Variants in ZXDC observed in about 807,000 individuals in gnomAD.
ZXDC encodes the protein zinc finger protein ZXDC.
ZXDC carries 58 observed loss-of-function variants against 63.6 expected under a neutral mutation model. That is an observed-to-expected ratio of 0.91 (90% confidence interval 0.74 to 1.13). ZXDC has a LOEUF of 1.13. Ranked by LOEUF, ZXDC falls within the 50% of genes most tolerant of loss-of-function variation. The pLI is 0.00. For synonymous variants in ZXDC, 561 were observed against 496.1 expected (o/e 1.13, Z -1.74); for missense variants, 1,133 against 1,148.9 (o/e 0.99, Z 0.20).
In ZXDC at chr3:126,439,612, G is replaced by GGGCAGTAA; in HGVS notation, c.2490+12_2490+19dup. The GGGCAGTAA allele has an allele frequency of 1.9e-6, 3 of 1,551,718 alleles. No homozygotes were observed. Among genetic ancestry groups the GGGCAGTAA allele is most frequent in the Non-Finnish European group, 2.6e-6 (3 of 1,147,062 alleles). The stretch of plus-strand genomic sequence containing the variant: ...TGCGAGTCTCAATAAGAAAAACAAA[G>GGGCAGTAA]GGCAGTAAGGCATCCAGACCTGGAG... On this transcript the variant is annotated intron_variant, in intron 9 of 9. Transcript: ENST00000389709.
intron 9 of ZXDC, among the ~76,000 whole-genome samples, chr3:126,439,234 G>A (rs988654732): frequency 2.0e-5 from 3 of 152,192 alleles, no homozygotes; most frequent in Non-Finnish European, 4.4e-5. Flanking sequence ...ATACGCTTTC[G>A]CTATTTCATA....
intron 7 of ZXDC, among the ~76,000 whole-genome samples, chr3:126,458,293 G>A (rs1361922135): frequency 6.8e-6 from 1 of 146,246 alleles, no homozygotes; most frequent in African/African-American, 2.5e-5. Flanking sequence ...CTGGAGCACA[G>A]TGGCACAATC....
At position 126,462,207 on chromosome 3, in the gene ZXDC, C is replaced by A; in HGVS notation, c.1455G>T (p.Gln485His). Reference sequence around the variant, plus strand: ...GAGTAAGAGAACTCGGAGCTTCTAGCTGAGGTAAGAGATCTGAAAAAAAAA... The same window carrying A: ...GAGTAAGAGAACTCGGAGCTTCTAGATGAGGTAAGAGATCTGAAAAAAAAA... ...QHSRRQDLLPQLEAPSSLTPS... is the reference protein window; with the variant it reads ...QHSRRQDLLPHLEAPSSLTPS... Residue 485 changes from glutamine (Q) to histidine (H), a missense_variant, in exon 6 of 10, where the codon CAG (glutamine) becomes CAT (histidine). Coordinates refer to ENST00000389709, the MANE Select transcript of ZXDC (RefSeq NM_025112.5). 1 of 1,595,316 alleles carries A rather than the reference C, an allele frequency of 6.3e-7. No homozygotes were observed. Among genetic ancestry groups the A allele is most frequent in the Non-Finnish European group, 8.5e-7 (1 of 1,173,612 alleles).
intron 7 of ZXDC, chr3:126,454,991 T>C (rs1934250034): frequency 1.0e-6 from 1 of 985,328 alleles, no homozygotes; most frequent in Admixed American, 6.1e-5. Flanking sequence ...AACTGACGTG[T>C]GCACTGGCTC....
At chr3:126,464,710 C>G (rs1019852181) in intron 5 of ZXDC, among the ~76,000 whole-genome samples, 3 of 152,188 alleles carry the variant, frequency 2.0e-5, no homozygotes, top group Non-Finnish European at 4.4e-5. Flanking sequence ...AACGGCCAAA[C>G]AGGGGAGAGG....
At chr3:126,473,979 T>C (rs1418244896) in intron 1 of ZXDC, among the ~76,000 whole-genome samples, 1 of 151,778 alleles carries the variant, frequency 6.6e-6, no homozygotes, top group East Asian at 1.9e-4. Context: ...AAGCTGCCCA[T>C]CCTGGTGAAG....
intron 7 of ZXDC, chr3:126,454,040 G>A (rs1382657401): frequency 2.7e-6 from 2 of 747,746 alleles, no homozygotes; most frequent in South Asian, 6.1e-5. Context: ...ATATATATAG[G>A]TAGTACTACA....
chr3:126,464,248 T>C (rs750108894), intron 5 of ZXDC, among the ~76,000 whole-genome samples: 1 of 152,210 alleles, frequency 6.6e-6, no homozygotes, highest in Non-Finnish European at 1.5e-5. Context: ...AAACATTAGA[T>C]AGCAGAGCAT....
At chr3:126,458,989 C>T (rs1424447654) in intron 7 of ZXDC, 3 of 979,954 alleles carry the variant, frequency 3.1e-6, no homozygotes, top group Non-Finnish European at 3.6e-6. Flanking sequence ...ATCATATCAA[C>T]CCTTTTAGAT....
intron 7 of ZXDC, chr3:126,458,822 C>T: frequency 4.1e-6 from 4 of 985,424 alleles, no homozygotes; most frequent in Non-Finnish European, 4.8e-6. Context: ...ACTTTGTGAA[C>T]TGTTGAGGTG....
intron 7 of ZXDC, among the ~76,000 whole-genome samples, chr3:126,447,409 T>G (rs181581237): frequency 6.6e-6 from 1 of 152,382 alleles, no homozygotes; most frequent in Admixed American, 6.5e-5. Context: ...ATATGTACTG[T>G]GCAATTAGCT....
Position 126,461,991 on chromosome 3 carries a change from A to C in ZXDC, c.1671T>G (p.Asn557Lys). The change falls in exon 6 of 10, where the codon AAT (asparagine) becomes AAG (lysine). Residue 557 changes from asparagine to lysine, a missense_variant. Transcript: ENST00000389709. ...SSLGGNLPAN[N>K]SSLGPMEPLV... ...GGGGTTCCATCGGCCCTAGGGAGCT[A>C]TTATTAGCAGGGAGGTTCCCTCCCA... The C allele has an allele frequency of 6.2e-7, 1 of 1,614,058 alleles. No individual in the cohort carries two copies. Among genetic ancestry groups the C allele is most frequent in the Non-Finnish European group, 8.5e-7 (1 of 1,179,988 alleles).
chr3:126,475,637 C>T lies in ZXDC; in HGVS notation c.229G>A (p.Val77Met). The T allele has an allele frequency of 6.8e-7, 1 of 1,471,620 alleles. No homozygotes were observed. Among genetic ancestry groups the T allele is most frequent in the Non-Finnish European group, 9.0e-7 (1 of 1,110,012 alleles). The allele number at this position is 1,471,620 out of a possible 1,614,324, so 91.2% of individuals were successfully genotyped here. ...CCGCCGTGCGGCACTTCCAGCAGCA[C>T]CAAGAAAGAGTCGCCGTCGCTGTCG... ...EDDSDGDSFL[V>M]LLEVPHGGAA... The change falls in exon 1 of 10, where the codon GTG (valine) becomes ATG (methionine). Residue 77 changes from valine (V) to methionine (M), a missense_variant. Val to Met is a conservative substitution (Grantham distance 21). Transcript: ENST00000389709.
intron 7 of ZXDC, chr3:126,443,513 A>T (rs1170574333): frequency 6.6e-6 from 1 of 152,256 alleles, no homozygotes; most frequent in Admixed American, 6.5e-5. Flanking sequence ...TATTGCTAAC[A>T]AATACCGACA....
At chr3:126,460,333 G>A (rs945869542) in intron 6 of ZXDC, 13 of 519,662 alleles carry the variant, frequency 2.5e-5, no homozygotes, top group Non-Finnish European at 3.0e-5. Flanking sequence ...AACACTTATC[G>A]CTATGAAGAG....
At chr3:126,447,735 G>C (rs1299845706) in intron 7 of ZXDC, among the ~76,000 whole-genome samples, 1 of 152,216 alleles carries the variant, frequency 6.6e-6, no homozygotes, top group Non-Finnish European at 1.5e-5. Context: ...AGCAGGTGAT[G>C]AATGTCATCA....
In ZXDC at chr3:126,475,155, G is replaced by T; in HGVS notation, c.711C>A (p.Pro237=). 6.2e-7 allele frequency: 1 copy of T among 1,606,790 alleles called. No homozygotes were observed. The highest frequency in any genetic ancestry group is 2.2e-5 in the East Asian group (1 of 44,490). ...CACAGCCGCCCACTGGACAGCCGAA[G>T]GGCCGCAGCTTGTCGTGCGACTGCA... The part of the protein sequence containing the change: ...RHLQSHDKLR[P]FGCPVGGCGK... The change falls in exon 1 of 10, where the codon CCC becomes CCA. Residue 237 remains proline (P), a synonymous_variant. Transcript: ENST00000389709.
At chr3:126,454,690 G>A in intron 7 of ZXDC, 1 of 985,394 alleles carries the variant, frequency 1.0e-6, no homozygotes, top group Non-Finnish European at 1.2e-6. Flanking sequence ...TGTCTCCTCT[G>A]ATAAGCACCA....
At chr3:126,461,013 A>G in intron 6 of ZXDC, 5 of 982,362 alleles carry the variant, frequency 5.1e-6, no homozygotes, top group Non-Finnish European at 6.0e-6. Context: ...AAGTATATTA[A>G]CTGTCCAGCC....
Sources: gnomAD v4.1 joint callset for allele counts (sites outside exome capture counted in the v4.1 genomes callset) on GRCh38, gnomAD v4.1.1 for gene constraint, MANE v1.5 for transcripts, NCBI Gene and HGNC (gene_info 2026-07-23, HGNC 2026-07-21) for gene names.